Variants in NPFFR2 observed in about 807,000 individuals in gnomAD.
The protein encoded by NPFFR2 is G-protein coupled receptor 74.
In NPFFR2, 15 loss-of-function variants were observed where a neutral mutation model predicts 13.1. That is an observed-to-expected ratio of 1.15 (90% CI 0.77 to 1.76). NPFFR2 has a LOEUF of 1.76. Ranked by LOEUF, NPFFR2 falls within the 40% of genes most tolerant of loss-of-function variation. NPFFR2 has a pLI of 0.00. For synonymous variants in NPFFR2, 190 were observed against 175.7 expected (o/e 1.08, Z -0.65); for missense variants, 572 against 503.5 (o/e 1.14, Z -1.30).
chr4:72,100,138 C>T (rs1328733016), intron 1 of NPFFR2, among the ~76,000 whole-genome samples: 1 of 152,098 alleles, frequency 6.6e-6, no homozygotes, highest in African/African-American at 2.4e-5. Flanking sequence ...AATTATTAAT[C>T]ATTTTTCATT....
At chr4:72,096,694 A>G (rs1183813548) in intron 1 of NPFFR2, among the ~76,000 whole-genome samples, 2 of 152,138 alleles carry the variant, frequency 1.3e-5, no homozygotes, top group Non-Finnish European at 2.9e-5. Context: ...ACTAATTAAC[A>G]TCTTACTTAT....
Position 72,062,547 on chromosome 4 carries a change from A to T in NPFFR2, c.-8+30347A>T, listed in dbSNP as rs141334514. On this transcript the variant is annotated intron_variant, in intron 1 of 3. Coordinates refer to ENST00000308744, the MANE Select transcript of NPFFR2 (RefSeq NM_004885.3). ...TAAAAAAAAAAAAAAAGAAGTCGTGAGTCTTCATTCTTTCCCGTATCTATG... is the reference window on the plus strand; with the variant it reads ...TAAAAAAAAAAAAAAAGAAGTCGTGTGTCTTCATTCTTTCCCGTATCTATG... Among the ~76,000 whole-genome samples the T allele has an allele frequency of 2.6e-3, 398 of 150,448 alleles. 4 individuals carry two copies. The highest frequency in any genetic ancestry group is 9.2e-3 in the African/African-American group (380 of 41,104).
rs189527611 is a variant in NPFFR2 at position 72,037,358 on chromosome 4, T to C, written c.-8+5158T>C. Among the ~76,000 whole-genome samples the C allele has an allele frequency of 9.3e-5, 14 of 151,270 alleles. No individual in the cohort carries two copies. In the East Asian group the frequency reaches 2.7e-3, roughly 29 times the overall value. ...GGTTGAGGTTGCAGTGAGCCATGATTATGCCACTGCACTCCAGCTTCGGCA... is the reference window on the plus strand; with the variant it reads ...GGTTGAGGTTGCAGTGAGCCATGATCATGCCACTGCACTCCAGCTTCGGCA... On this transcript the variant is annotated intron_variant, in intron 1 of 3. Transcript: ENST00000308744.
chr4:72,039,346 C>A, intron 1 of NPFFR2: 7 of 979,034 alleles, frequency 7.1e-6, no homozygotes, highest in Non-Finnish European at 8.5e-6. Flanking sequence ...GCGTGAGCCA[C>A]CGCGCCCGGC....
intron 2 of NPFFR2, among the ~76,000 whole-genome samples, chr4:72,137,487 A>C (rs1258027755): frequency 6.6e-6 from 1 of 152,148 alleles, no homozygotes; most frequent in Non-Finnish European, 1.5e-5. Context: ...CTCTGGGGTT[A>C]ATTGTCTCAT....
At chr4:72,074,408 A>G (rs1172189077) in intron 1 of NPFFR2, among the ~76,000 whole-genome samples, 1 of 152,118 alleles carries the variant, frequency 6.6e-6, no homozygotes, top group East Asian at 1.9e-4. Flanking sequence ...GAAACACCAC[A>G]TTCACATAAT....
At chr4:72,068,935 G>C (rs1323229929) in intron 1 of NPFFR2, 24 of 1,368,050 alleles carry the variant, frequency 1.8e-5, no homozygotes, top group Non-Finnish European at 2.2e-5. Context: ...GCGAAATTAG[G>C]ATGTTAATTA....
At chr4:72,039,334 A>C in intron 1 of NPFFR2, 1 of 888,654 alleles carries the variant, frequency 1.1e-6, no homozygotes, top group Non-Finnish European at 1.3e-6. Flanking sequence ...CTGGGATTAC[A>C]GGCGTGAGCC....
chr4:72,112,485 G>T (rs550606367), intron 1 of NPFFR2, among the ~76,000 whole-genome samples: 12 of 152,012 alleles, frequency 7.9e-5, no homozygotes, highest in Non-Finnish European at 1.8e-4. Context: ...GAGCTGGCAG[G>T]TTCATCATCA....
intron 1 of NPFFR2, among the ~76,000 whole-genome samples, chr4:72,079,052 A>AC (rs1560404457): frequency 2.5e-5 from 3 of 121,086 alleles, no homozygotes; most frequent in African/African-American, 1.0e-4. Context: ...GCATAGAACT[A>AC]AACACACACA....
intron 1 of NPFFR2, among the ~76,000 whole-genome samples, chr4:72,069,311 C>A (rs1057153678): frequency 1.3e-5 from 2 of 152,048 alleles, no homozygotes; most frequent in African/African-American, 2.4e-5. Context: ...CAAATTATAT[C>A]ATTATGTAAA....
intron 1 of NPFFR2, among the ~76,000 whole-genome samples, chr4:72,055,841 C>T (rs752752608): frequency 6.6e-6 from 1 of 151,944 alleles, no homozygotes; most frequent in Non-Finnish European, 1.5e-5. Flanking sequence ...CCACAACATT[C>T]CCTTAAGTTG....
intron 1 of NPFFR2, chr4:72,039,372 G>A (rs12512773): frequency 0.33 from 319,202 of 980,918 alleles, 53,012 homozygotes; most frequent in East Asian, 0.68. Context: ...TCCTTTCTTA[G>A]TTGCCTCTGC....
In NPFFR2 at chr4:72,063,237, G is replaced by A. The variant is rs372445657; in HGVS notation, c.-8+31037G>A. ...GTTTATATTTGTTATTCTACCAAGGGTCTATAAAACAAGTCTAAAGAATTT... is the reference window on the plus strand; with the variant it reads ...GTTTATATTTGTTATTCTACCAAGGATCTATAAAACAAGTCTAAAGAATTT... On this transcript the variant is annotated intron_variant, in intron 1 of 3. Coordinates refer to ENST00000308744, the MANE Select transcript of NPFFR2 (RefSeq NM_004885.3). Among the ~76,000 whole-genome samples the A allele has an allele frequency of 1.1e-4, 17 of 152,134 alleles. No homozygotes were observed. The South Asian group carries it at 3.5e-3, about 32-fold the overall frequency.
At chr4:72,137,696 G>A (rs767847812) in intron 2 of NPFFR2, among the ~76,000 whole-genome samples, 3 of 152,078 alleles carry the variant, frequency 2.0e-5, no homozygotes, top group Non-Finnish European at 2.9e-5. Flanking sequence ...CTAACTAGCC[G>A]TGGCAAAGTA....
chr4:72,042,553 A>G (rs1182620257), intron 1 of NPFFR2, among the ~76,000 whole-genome samples: 1 of 152,222 alleles, frequency 6.6e-6, no homozygotes, highest in African/African-American at 2.4e-5. Context: ...GGCTTTGACC[A>G]AAATGCTGAT....
At chr4:72,127,651 C>A (rs1245149376) in intron 1 of NPFFR2, among the ~76,000 whole-genome samples, 3 of 149,048 alleles carry the variant, frequency 2.0e-5, no homozygotes, top group Non-Finnish European at 4.5e-5. Flanking sequence ...GCGTGAGCCA[C>A]CGCGCCCGGC....
rs571035519 is a variant in NPFFR2 at position 72,128,818 on chromosome 4, T to G, written c.227T>G (p.Met76Arg). ...VCFIVMRNKH[M>R]HTVTNLFILN... Reference sequence around the variant, plus strand: ...TTTATTGTAATGAGGAACAAACATATGCACACAGTCACTAATCTCTTCATC... The same window carrying G: ...TTTATTGTAATGAGGAACAAACATAGGCACACAGTCACTAATCTCTTCATC... Residue 76 changes from methionine (M) to arginine (R), a missense_variant, in exon 2 of 4, where the codon ATG (methionine) becomes AGG (arginine). Physicochemically the swap from Met to Arg is moderately conservative, Grantham distance 91. Transcript: ENST00000308744. The G allele has an allele frequency of 3.1e-6, 5 of 1,614,120 alleles. No homozygotes were observed. Among genetic ancestry groups the G allele is most frequent in the African/African-American group, 2.7e-5 (2 of 75,060 alleles).
chr4:72,115,306 T>C (rs2109822730), intron 1 of NPFFR2, among the ~76,000 whole-genome samples: 1 of 152,216 alleles, frequency 6.6e-6, no homozygotes, highest in East Asian at 1.9e-4. Context: ...TCAATAAGTC[T>C]TATCATTGTA....
Sources: allele counts gnomAD v4.1 joint callset (sites outside exome capture counted in the v4.1 genomes callset), GRCh38; gene constraint gnomAD v4.1.1; transcripts MANE v1.5; gene names NCBI Gene and HGNC (gene_info 2026-07-23, HGNC 2026-07-21).